ABCG4: variants seen among roughly 807,000 people sequenced by gnomAD.
The protein encoded by ABCG4 is ATP-binding cassette sub-family G member 4.
A neutral mutation model predicts 64.6 loss-of-function variants in ABCG4; 35 were observed. The ratio of observed to expected loss-of-function variants is 0.54; its 90% CI spans 0.41 to 0.72. The LOEUF is 0.72. ABCG4 is among the 30% of genes least tolerant of loss of function. ABCG4 has a pLI of 0.00. For synonymous variants in ABCG4, 326 were observed against 348.2 expected (o/e 0.94, Z 0.71); for missense variants, 610 against 846.3 (o/e 0.72, Z 3.46).
At position 119,160,916 on chromosome 11, in the gene ABCG4, G is replaced by A. The variant is rs767118091; in HGVS notation, c.1751G>A (p.Gly584Asp). The A allele has an allele frequency of 3.1e-6, 5 of 1,613,910 alleles. No individual in the cohort carries two copies. The highest frequency in any genetic ancestry group is 4.2e-6 in the Non-Finnish European group (5 of 1,179,950). Reference sequence around the variant, plus strand: ...GAGGGTGTGATCCTGACGATCTATGGCATGGAGCGAGGAGACCTGACATGT... The same window carrying A: ...GAGGGTGTGATCCTGACGATCTATGACATGGAGCGAGGAGACCTGACATGT... Reference protein sequence around the residue: ...GFEGVILTIYGMERGDLTCLE... With the variant: ...GFEGVILTIYDMERGDLTCLE... The change falls in exon 15 of 15, where the codon GGC (glycine) becomes GAC (aspartate). Residue 584 changes from glycine to aspartate, a missense_variant. Coordinates refer to ENST00000619701, the MANE Select transcript of ABCG4 (RefSeq NM_022169.5). The surrounding 1 kb of genome is among the most constrained non-coding windows in gnomAD (Gnocchi z 4.6).
In ABCG4 at chr11:119,150,346, G is replaced by T; in HGVS notation, c.238+143G>T. On this transcript the variant is annotated intron_variant, in intron 2 of 14. Coordinates refer to ENST00000619701, the MANE Select transcript of ABCG4 (RefSeq NM_022169.5). This position sits in a 1 kb window ranked among gnomAD's most constrained non-coding sequence, Gnocchi z 4.3. ...ACTAAAATCTGGGCCCCAGCCCGTT[G>T]CTCACTGTGCACTCTTGGGGTGTCA... The T allele has an allele frequency of 2.5e-6, 3 of 1,179,252 alleles. No individual in the cohort carries two copies. Among genetic ancestry groups the T allele is most frequent in the Non-Finnish European group, 2.4e-6 (2 of 844,894 alleles). The allele number at this position is 1,179,252 out of a possible 1,614,324, so 73.0% of individuals were successfully genotyped here.
chr11:119,154,873 T>C lies in ABCG4; in HGVS notation c.644T>C (p.Leu215Pro). Residue 215 changes from leucine to proline, a missense_variant, in exon 6 of 15, where the codon CTG becomes CCG. Leu to Pro is a moderately conservative substitution (Grantham distance 98). Transcript: ENST00000619701. This position sits in a 1 kb window ranked among gnomAD's most constrained non-coding sequence, Gnocchi z 7.0. ...AAGCGTCTGGCCATCGCCCTGGAGC[T>C]GGTCAACAACCCGCCTGTCATGTTC... Reference protein sequence around the residue: ...QRKRLAIALELVNNPPVMFFD... With the variant: ...QRKRLAIALEPVNNPPVMFFD... 6.2e-7 allele frequency: 1 copy of C among 1,613,648 alleles called. No individual in the cohort carries two copies. The highest frequency in any genetic ancestry group is 8.5e-7 in the Non-Finnish European group (1 of 1,179,580).
chr11:119,152,859 C>A (rs1261989374), intron 2 of ABCG4: 1 of 152,254 alleles, frequency 6.6e-6, no homozygotes, highest in African/African-American at 2.4e-5. Flanking sequence ...CCCCCCGACT[C>A]ACGTCAATTC....
In ABCG4 at chr11:119,160,978, A is replaced by C. The variant is rs774166783; in HGVS notation, c.1813A>C (p.Ile605Leu). The change falls in exon 15 of 15, where the codon ATC (isoleucine) becomes CTC (leucine). Residue 605 changes from isoleucine (I) to leucine (L), a missense_variant. Coordinates refer to ENST00000619701, the MANE Select transcript of ABCG4 (RefSeq NM_022169.5). This position sits in a 1 kb window ranked among gnomAD's most constrained non-coding sequence, Gnocchi z 4.6. ...ERCPFREPQSILRALDVEDAK... is the reference protein window; with the variant it reads ...ERCPFREPQSLLRALDVEDAK... ...CTGCCCGTTCCGGGAGCCACAGAGC[A>C]TCCTCCGAGCGCTGGATGTGGAGGA... 1 of 1,614,112 alleles carries C rather than the reference A, an allele frequency of 6.2e-7. No individual in the cohort carries two copies. The highest frequency in any genetic ancestry group is 8.5e-7 in the Non-Finnish European group (1 of 1,179,998).
chr11:119,151,094 A>G (rs1304932005), intron 2 of ABCG4, among the ~76,000 whole-genome samples: 1 of 152,236 alleles, frequency 6.6e-6, no homozygotes, highest in African/African-American at 2.4e-5. Context: ...AAAAGGTCAC[A>G]TGGCTGAACC....
rs4148171 is a variant in ABCG4 at position 119,157,120 on chromosome 11, A to G, written c.1068+106A>G. ...CTGTTCCCCAGAGGCATTGCAACCA[A>G]TGGGTGCTAGGAAGAACCTAGGACT... On this transcript the variant is annotated intron_variant, in intron 9 of 14. Coordinates refer to ENST00000619701, the MANE Select transcript of ABCG4 (RefSeq NM_022169.5). 133,751 of 1,446,292 alleles carry G rather than the reference A, an allele frequency of 0.092. 8,654 individuals are homozygous for G. Among genetic ancestry groups the G allele is most frequent in the South Asian group, 0.29 (20,980 of 72,256 alleles). 89.6% of individuals were successfully genotyped at this position (1,446,292 alleles called of 1,614,324 possible).
At position 119,160,241 on chromosome 11, in the gene ABCG4, G is replaced by T. The variant is rs1288041092; in HGVS notation, c.1452G>T (p.Val484=). Residue 484 remains valine, a synonymous_variant, in exon 13 of 15, where the codon GTG becomes GTT. Coordinates refer to ENST00000619701, the MANE Select transcript of ABCG4 (RefSeq NM_022169.5). The surrounding 1 kb of genome is among the most constrained non-coding windows in gnomAD (Gnocchi z 4.6). ...ADVPFQVVCP[V]VYCSIVYWMT... is the part of the protein sequence containing the mutation. ...CCACTCCCCAGGTGGTGTGTCCGGT[G>T]GTCTACTGCAGCATTGTGTACTGGA... The T allele has an allele frequency of 6.2e-7, 1 of 1,610,748 alleles. No individual in the cohort carries two copies. Among genetic ancestry groups the T allele is most frequent in the Non-Finnish European group, 8.5e-7 (1 of 1,177,558 alleles).
At position 119,158,795 on chromosome 11, in the gene ABCG4, C is replaced by T. The variant is rs367647046; in HGVS notation, c.1337-34C>T. 72 of 1,614,046 alleles carry T rather than the reference C, an allele frequency of 4.5e-5. No homozygotes were observed. The highest frequency in any genetic ancestry group is 1.7e-4 in the Middle Eastern group (1 of 6,060). Reference sequence around the variant, plus strand: ...GGGCTTGGGGCAGGGGCCAGGGTGTCGGCCGGGTGTGCCTAAGCAGCCTGT... The same window carrying T: ...GGGCTTGGGGCAGGGGCCAGGGTGTTGGCCGGGTGTGCCTAAGCAGCCTGT... On this transcript the variant is annotated intron_variant, in intron 11 of 14. Coordinates refer to ENST00000619701, the MANE Select transcript of ABCG4 (RefSeq NM_022169.5). This position sits in a 1 kb window ranked among gnomAD's most constrained non-coding sequence, Gnocchi z 4.5.
intron 9 of ABCG4, among the ~76,000 whole-genome samples, chr11:119,157,980 C>T (rs1375821249): frequency 1.3e-5 from 2 of 152,212 alleles, no homozygotes; most frequent in Non-Finnish European, 2.9e-5. Context: ...TTATTAGCCA[C>T]CACGGGTGTC....
Position 119,157,024 on chromosome 11 carries a change from G to T in ABCG4, c.1068+10G>T. The T allele has an allele frequency of 6.3e-7, 1 of 1,596,242 alleles. No individual in the cohort carries two copies. Among genetic ancestry groups the T allele is most frequent in the Non-Finnish European group, 8.5e-7 (1 of 1,171,824 alleles). On this transcript the variant is annotated intron_variant, in intron 9 of 14. Coordinates refer to ENST00000619701, the MANE Select transcript of ABCG4 (RefSeq NM_022169.5). The stretch of plus-strand genomic sequence containing the variant: ...CCCTCCTTGTCCTCCGGTGAGTAGG[G>T]GTGGAGAGGGCAGAGCAGGCATAGT...
Position 119,158,679 on chromosome 11 carries a change from C to T in ABCG4, c.1290C>T (p.Ser430=), listed in dbSNP as rs779860556. The T allele has an allele frequency of 6.2e-7, 1 of 1,614,146 alleles. No homozygotes were observed. The highest frequency in any genetic ancestry group is 8.5e-7 in the Non-Finnish European group (1 of 1,180,036). Residue 430 remains serine, a synonymous_variant, in exon 11 of 15, where the codon TCC becomes TCT. Coordinates refer to ENST00000619701, the MANE Select transcript of ABCG4 (RefSeq NM_022169.5). The surrounding 1 kb of genome is among the most constrained non-coding windows in gnomAD (Gnocchi z 4.5). The part of the protein sequence containing the change: ...VFNNTGCLFF[S]MLFLMFAALM... The stretch of plus-strand genomic sequence containing the variant: ...ACAACACCGGCTGCCTCTTCTTCTC[C>T]ATGCTGTTCCTCATGTTCGCCGCCC...
Position 119,160,762 on chromosome 11 carries a change from G to T in ABCG4, c.1715+106G>T. The T allele has an allele frequency of 6.7e-7, 1 of 1,486,926 alleles. No individual in the cohort carries two copies. The highest frequency in any genetic ancestry group is 9.3e-7 in the Non-Finnish European group (1 of 1,072,676). The allele number at this position is 1,486,926 out of a possible 1,614,324, so 92.1% of individuals were successfully genotyped here. ...TCTGCTGCCTGCCCCATTATCCTTT[G>T]GGCAGGGGCACCCTGGCTGCACCCC... On this transcript the variant is annotated intron_variant, in intron 14 of 14. Coordinates refer to ENST00000619701, the MANE Select transcript of ABCG4 (RefSeq NM_022169.5). This position sits in a 1 kb window ranked among gnomAD's most constrained non-coding sequence, Gnocchi z 4.6.
At position 119,158,443 on chromosome 11, in the gene ABCG4, T is replaced by C. The variant is rs1948297986; in HGVS notation, c.1167+111T>C. On this transcript the variant is annotated intron_variant, in intron 10 of 14. Transcript: ENST00000619701. The surrounding 1 kb of genome is among the most constrained non-coding windows in gnomAD (Gnocchi z 4.5). ...GACCCTCCCTCACAGCCCTGCAATG[T>C]GCCTGTGGGGTCTCTGTGCCTGTGA... 2 of 1,549,994 alleles carry C rather than the reference T, an allele frequency of 1.3e-6. No homozygotes were observed. Among genetic ancestry groups the C allele is most frequent in the Admixed American group, 3.3e-5 (2 of 59,944 alleles).
chr11:119,154,476 C>G lies in ABCG4; in HGVS notation c.490-49C>G. The stretch of plus-strand genomic sequence containing the variant: ...TTCACCATTGGCGGAGGGTTCAAGG[C>G]AGAGCTCCCTCCCACACATACTTTT... On this transcript the variant is annotated intron_variant, in intron 4 of 14. Coordinates refer to ENST00000619701, the MANE Select transcript of ABCG4 (RefSeq NM_022169.5). The surrounding 1 kb of genome is among the most constrained non-coding windows in gnomAD (Gnocchi z 7.0). The G allele has an allele frequency of 6.2e-7, 1 of 1,614,074 alleles. No individual in the cohort carries two copies. The highest frequency in any genetic ancestry group is 2.2e-5 in the East Asian group (1 of 44,878).
In ABCG4 at chr11:119,149,838, C is replaced by T. The variant is rs896473931; in HGVS notation, c.-12-116C>T. The T allele has an allele frequency of 1.4e-6, 2 of 1,418,650 alleles. No individual in the cohort carries two copies. The highest frequency in any genetic ancestry group is 2.8e-5 in the South Asian group (2 of 71,354). The allele number at this position is 1,418,650 out of a possible 1,614,324, so 87.9% of individuals were successfully genotyped here. On this transcript the variant is annotated intron_variant, in intron 1 of 14. Transcript: ENST00000619701. The surrounding 1 kb of genome is among the most constrained non-coding windows in gnomAD (Gnocchi z 8.3). ...GGGCAGAGTGCGGGGCTAACAGTCG[C>T]GGATCTGCCCCGAGAAGGAGGTGGG... is the stretch of plus-strand genomic sequence containing the variant.
rs996704916 is a variant in ABCG4 at position 119,150,944 on chromosome 11, T to A, written c.238+741T>A. On this transcript the variant is annotated intron_variant, in intron 2 of 14. Transcript: ENST00000619701. This position sits in a 1 kb window ranked among gnomAD's most constrained non-coding sequence, Gnocchi z 4.3. Reference sequence around the variant, plus strand: ...TGCTAGTAGGGAAGCTGAGGCTGTTTCCCAGAGCCTGGGTGTGGGCCAGGG... The same window carrying A: ...TGCTAGTAGGGAAGCTGAGGCTGTTACCCAGAGCCTGGGTGTGGGCCAGGG... 2.0e-4 allele frequency among the ~76,000 whole-genome samples: 30 copies of A among 152,218 alleles called. No individual in the cohort carries two copies. The highest frequency in any genetic ancestry group is 7.2e-4 in the African/African-American group (30 of 41,452).
rs1333180580 is a variant in ABCG4, at chr11:119,160,317, G to A, written c.1528G>A (p.Ala510Thr). The change falls in exon 13 of 15, where the codon GCC becomes ACC. Residue 510 changes from alanine (A) to threonine (T), a missense_variant. Ala to Thr is a moderately conservative substitution (Grantham distance 58). Coordinates refer to ENST00000619701, the MANE Select transcript of ABCG4 (RefSeq NM_022169.5). The surrounding 1 kb of genome is among the most constrained non-coding windows in gnomAD (Gnocchi z 4.6). ...CCGCTTCCTGCTCTTCTCAGCCCTG[G>A]CCACCGCCACCGCCTTGGTGGCCCA... Reference protein sequence around the residue: ...TSRFLLFSALATATALVAQSL... With the variant: ...TSRFLLFSALTTATALVAQSL... 6 of 1,613,682 alleles carry A rather than the reference G, an allele frequency of 3.7e-6. No individual in the cohort carries two copies. Among genetic ancestry groups the A allele is most frequent in the Non-Finnish European group, 4.2e-6 (5 of 1,179,698 alleles).
chr11:119,160,350 G>C lies in ABCG4; in HGVS notation c.1561G>C (p.Gly521Arg). ...CACCGCCTTGGTGGCCCAATCTTTG[G>C]GGCTGCTGATCGGAGCTGCTTCCAA... is the stretch of plus-strand genomic sequence containing the variant. ...TATALVAQSL[G>R]LLIGAASNSL... is the part of the protein sequence containing the mutation. The change falls in exon 13 of 15, where the codon GGG (glycine) becomes CGG (arginine). Residue 521 changes from glycine to arginine, a missense_variant. By Grantham distance (125) the Gly-to-Arg change is moderately radical (BLOSUM62 -2). Coordinates refer to ENST00000619701, the MANE Select transcript of ABCG4 (RefSeq NM_022169.5). This position sits in a 1 kb window ranked among gnomAD's most constrained non-coding sequence, Gnocchi z 4.6. The C allele has an allele frequency of 1.2e-6, 2 of 1,612,912 alleles. No homozygotes were observed. The highest frequency in any genetic ancestry group is 1.7e-6 in the Non-Finnish European group (2 of 1,179,084).
rs1204907173 is a variant in ABCG4 at position 119,150,982 on chromosome 11, C to T, written c.238+779C>T. Among the ~76,000 whole-genome samples, 1 of 152,212 alleles carries T rather than the reference C, an allele frequency of 6.6e-6. No homozygotes were observed. Among genetic ancestry groups the T allele is most frequent in the African/African-American group, 2.4e-5 (1 of 41,464 alleles). On this transcript the variant is annotated intron_variant, in intron 2 of 14. Coordinates refer to ENST00000619701, the MANE Select transcript of ABCG4 (RefSeq NM_022169.5). This position sits in a 1 kb window ranked among gnomAD's most constrained non-coding sequence, Gnocchi z 4.3. ...GTGTGGGCCAGGGGTGGGGCTGGGA[C>T]ATTGTTCTCTGAGGTTCAACAAATA... is the stretch of plus-strand genomic sequence containing the variant.
Sources: allele counts gnomAD v4.1 joint callset (sites outside exome capture counted in the v4.1 genomes callset), GRCh38; gene constraint gnomAD v4.1.1; non-coding constraint Gnocchi (gnomAD v3.1); transcripts MANE v1.5; gene names NCBI Gene and HGNC (gene_info 2026-07-23, HGNC 2026-07-21).